CCSER1: variants seen among roughly 807,000 people sequenced by gnomAD.
CCSER1 encodes the protein serine-rich coiled-coil domain-containing protein 1.
Under a neutral mutation model 82.0 loss-of-function variants are expected in CCSER1, and 41 were observed. The ratio of observed to expected loss-of-function variants is 0.50; its 90% CI spans 0.39 to 0.65. The LOEUF is 0.65. CCSER1 is among the 30% of genes least tolerant of loss of function. The probability of loss-of-function intolerance (pLI) is 0.00; values close to 1 mark genes in which losing one functional copy is unlikely to be tolerated. For synonymous variants in CCSER1, 414 were observed against 383.9 expected, an observed-to-expected ratio of 1.08 and a Z score of -0.92; for missense variants, 1,119 against 1,064.2, an observed-to-expected ratio of 1.05 and a Z score of -0.72.
At chr4:90,999,230 C>T (rs758001083) in intron 9 of CCSER1, among the ~76,000 whole-genome samples, 5 of 152,110 alleles carry the variant, frequency 3.3e-5, no homozygotes, top group Non-Finnish European at 7.4e-5. Context: ...TATTTGTTTA[C>T]TTTTGGATAT....
At chr4:91,031,795 C>T (rs1741003973) in intron 9 of CCSER1, among the ~76,000 whole-genome samples, 1 of 152,046 alleles carries the variant, frequency 6.6e-6, no homozygotes, top group Admixed American at 6.6e-5. Context: ...TAAATGACTA[C>T]ATTATAACAT....
chr4:90,850,130 C>T (rs1763692733), intron 8 of CCSER1, among the ~76,000 whole-genome samples: 2 of 152,196 alleles, frequency 1.3e-5, no homozygotes, highest in African/African-American at 4.8e-5. Flanking sequence ...CCTTGGTGAC[C>T]TTCACATAGT....
At chr4:90,653,999 G>A (rs769824108) in intron 6 of CCSER1, among the ~76,000 whole-genome samples, 5 of 152,114 alleles carry the variant, frequency 3.3e-5, no homozygotes, top group Non-Finnish European at 4.4e-5. Flanking sequence ...AGAGAGCAAA[G>A]TGGGAAGTGC....
At chr4:91,391,372 C>G (rs957179454) in intron 10 of CCSER1, among the ~76,000 whole-genome samples, 4 of 152,168 alleles carry the variant, frequency 2.6e-5, no homozygotes, top group African/African-American at 9.7e-5. Context: ...ACGATCATGG[C>G]TCAGTGCAGC....
intron 10 of CCSER1, among the ~76,000 whole-genome samples, chr4:91,387,503 A>G (rs1018759378): frequency 1.3e-5 from 2 of 152,092 alleles, no homozygotes; most frequent in Non-Finnish European, 2.9e-5. Flanking sequence ...ATCAAAATCT[A>G]TGAAATATTA....
At chr4:91,130,162 CAATT>C in intron 10 of CCSER1, 2 of 151,842 alleles carry the variant, frequency 1.3e-5, no homozygotes, top group South Asian at 2.1e-4. Context: ...CAATTTCAAT[CAATT>C]AAAATAATTA....
intron 10 of CCSER1, among the ~76,000 whole-genome samples, chr4:91,346,753 A>G (rs1335111570): frequency 6.6e-6 from 1 of 152,084 alleles, no homozygotes; most frequent in Non-Finnish European, 1.5e-5. Flanking sequence ...GCATTTTTTC[A>G]TGTGCTTATT....
intron 7 of CCSER1, chr4:90,727,094 CTTTTA>C (rs1671128271): frequency 5.7e-6 from 2 of 350,978 alleles, no homozygotes; most frequent in Non-Finnish European, 1.1e-5. Flanking sequence ...CAAAAAGTTT[CTTTTA>C]TAAGAACTGT....
At chr4:91,133,494 GT>G (rs1439830802) in intron 10 of CCSER1, among the ~76,000 whole-genome samples, 3 of 152,164 alleles carry the variant, frequency 2.0e-5, no homozygotes, top group African/African-American at 7.2e-5. Context: ...AAATATGGAA[GT>G]AGTGAAGGTA....
chr4:90,874,980 A>G (rs567616533), intron 8 of CCSER1, among the ~76,000 whole-genome samples: 3 of 152,018 alleles, frequency 2.0e-5, no homozygotes, highest in African/African-American at 7.2e-5. Flanking sequence ...TGGGAGGCGG[A>G]GGTTGCAGTG....
intron 10 of CCSER1, among the ~76,000 whole-genome samples, chr4:91,279,913 T>C (rs981630261): frequency 2.0e-5 from 3 of 152,230 alleles, no homozygotes; most frequent in Admixed American, 6.5e-5. Flanking sequence ...AGGACTTTTT[T>C]CCTGAAGATG....
At chr4:90,734,417 T>A (rs1206936205) in intron 7 of CCSER1, among the ~76,000 whole-genome samples, 2 of 152,172 alleles carry the variant, frequency 1.3e-5, no homozygotes, top group African/African-American at 4.8e-5. Flanking sequence ...AGTATGGACA[T>A]TTTAACAATA....
At chr4:90,916,431 C>G (rs373095198) in intron 8 of CCSER1, among the ~76,000 whole-genome samples, 5 of 151,986 alleles carry the variant, frequency 3.3e-5, no homozygotes, top group Non-Finnish European at 7.4e-5. Flanking sequence ...CCCTATTTAA[C>G]AAATGGTGCT....
intron 7 of CCSER1, among the ~76,000 whole-genome samples, chr4:90,810,851 G>A (rs868603768): frequency 1.9e-4 from 4 of 20,690 alleles, no homozygotes; most frequent in Non-Finnish European, 4.1e-4. Context: ...TTTTTTTTTT[G>A]AGACGGAGTC....
chr4:90,333,960 T>G (rs1739882510), intron 3 of CCSER1, among the ~76,000 whole-genome samples: 1 of 152,138 alleles, frequency 6.6e-6, no homozygotes, highest in African/African-American at 2.4e-5. Flanking sequence ...GCTCTTACAG[T>G]AAATAGCAAA....
chr4:90,692,509 T>A (rs1736186623), intron 6 of CCSER1, among the ~76,000 whole-genome samples: 1 of 151,962 alleles, frequency 6.6e-6, no homozygotes, highest in South Asian at 2.1e-4. Context: ...GTTATAGGCA[T>A]AATGACGGCA....
Position 91,598,542 on chromosome 4 carries a change from A to ACAT in CCSER1, c.2218-28_2218-26dup, listed in dbSNP as rs564875321. 1.2e-4 allele frequency: 185 copies of ACAT among 1,513,920 alleles called. No individual in the cohort carries two copies. In the African/African-American group the frequency reaches 2.4e-3, roughly 19 times the overall value. 93.8% of individuals were successfully genotyped at this position (1,513,920 alleles called of 1,614,324 possible). ...TATGCTATGAAAGTGTTTTTTTAAG[A>ACAT]CATCTTTTTCTTTCTGTGTCTTACC... is the stretch of plus-strand genomic sequence containing the variant. On this transcript the variant is annotated intron_variant, in intron 10 of 10. Coordinates refer to ENST00000509176, the MANE Select transcript of CCSER1 (RefSeq NM_001145065.2).
chr4:90,409,793 A>G (rs144737143), intron 4 of CCSER1, among the ~76,000 whole-genome samples: 1,544 of 152,324 alleles, frequency 0.01, 16 homozygotes, highest in South Asian at 0.03. Context: ...CTAACCTTAA[A>G]TGTAAATGGG....
intron 8 of CCSER1, among the ~76,000 whole-genome samples, chr4:90,862,943 A>G (rs1224752533): frequency 2.7e-5 from 2 of 75,310 alleles, no homozygotes; most frequent in South Asian, 7.2e-4. Flanking sequence ...ATTTCTTTTT[A>G]TTATTATTAT....
Sources: gnomAD v4.1 joint callset for allele counts (sites outside exome capture counted in the v4.1 genomes callset) on GRCh38, gnomAD v4.1.1 for gene constraint, MANE v1.5 for transcripts, NCBI Gene and HGNC (gene_info 2026-07-23, HGNC 2026-07-21) for gene names.